TRIM44: variants seen among roughly 807,000 people sequenced by gnomAD.
The protein encoded by TRIM44 is tripartite motif-containing protein 44.
Under a neutral mutation model 37.4 loss-of-function variants are expected in TRIM44, and 13 were observed. The observed-to-expected ratio is 0.35, with a 90% CI of 0.23 to 0.55. TRIM44 has a LOEUF of 0.55. Among genes scored for constraint, TRIM44 ranks in the 20% least tolerant of loss-of-function variants. The pLI is 0.89. For synonymous variants in TRIM44, 175 were observed against 157.2 expected, an observed-to-expected ratio of 1.11 and a Z score of -0.85; for missense variants, 426 against 437.2, an observed-to-expected ratio of 0.97 and a Z score of 0.23.
intron 4 of TRIM44, among the ~76,000 whole-genome samples, chr11:35,765,700 A>G (rs1852789035): frequency 6.6e-6 from 1 of 152,222 alleles, no homozygotes; most frequent in African/African-American, 2.4e-5. Flanking sequence ...AACTTGGCAT[A>G]TTCTGAGGCA....
At chr11:35,690,607 G>C (rs1026409522) in intron 2 of TRIM44, among the ~76,000 whole-genome samples, 1 of 152,180 alleles carries the variant, frequency 6.6e-6, no homozygotes, top group African/African-American at 2.4e-5. Flanking sequence ...ACATATAGAA[G>C]TGTTCCTGTG....
At position 35,755,919 on chromosome 11, in the gene TRIM44, A is replaced by T. The variant is rs1438375983; in HGVS notation, c.1007+20474A>T. Among the ~76,000 whole-genome samples, 233 of 152,202 alleles carry T rather than the reference A, an allele frequency of 1.5e-3. No individual in the cohort carries two copies. In the Middle Eastern group the frequency reaches 0.017, roughly 11 times the overall value. ...TTTGGTTACTGTAGCCTTGTAGTAT[A>T]GTTTGAAGTCAGGTAGCGTGATGCC... On this transcript the variant is annotated intron_variant, in intron 4 of 4. Transcript: ENST00000299413.
chr11:35,793,765 G>A (rs762745000), intron 4 of TRIM44, among the ~76,000 whole-genome samples: 4 of 152,060 alleles, frequency 2.6e-5, no homozygotes, highest in South Asian at 2.1e-4. Context: ...CTCATTGCCC[G>A]GGGCCAAAAA....
At chr11:35,715,026 T>C (rs1283974277) in intron 2 of TRIM44, among the ~76,000 whole-genome samples, 1 of 152,126 alleles carries the variant, frequency 6.6e-6, no homozygotes, top group Admixed American at 6.6e-5. Context: ...CACCCTGGGG[T>C]CAGGCAAAGA....
Position 35,663,555 on chromosome 11 carries a change from A to G in TRIM44, c.444A>G (p.Glu148=), listed in dbSNP as rs773971001. Residue 148 remains glutamate (E), a synonymous_variant, in exon 1 of 5, where the codon GAA becomes GAG. Coordinates refer to ENST00000299413, the MANE Select transcript of TRIM44 (RefSeq NM_017583.6). ...AGGCCGAAGAAGACAACCAAGAAGA[A>G]GGGGAATCCGAGGCGGAGGGAGAAA... ...ESEAEEDNQE[E]GESEAEGETE... 40 of 1,613,504 alleles carry G rather than the reference A, an allele frequency of 2.5e-5. No individual in the cohort carries two copies. Among genetic ancestry groups the G allele is most frequent in the Non-Finnish European group, 3.3e-5 (39 of 1,179,724 alleles).
At chr11:35,766,326 C>T (rs1304653947) in intron 4 of TRIM44, among the ~76,000 whole-genome samples, 2 of 152,092 alleles carry the variant, frequency 1.3e-5, no homozygotes, top group Non-Finnish European at 2.9e-5. Context: ...AAAAAGTATG[C>T]GTGTGTTGGG....
chr11:35,696,789 G>T (rs1438302341), intron 2 of TRIM44, among the ~76,000 whole-genome samples: 1 of 151,618 alleles, frequency 6.6e-6, no homozygotes, highest in East Asian at 2.0e-4. Context: ...GGAGGTTGCG[G>T]TGAGCCGAGA....
chr11:35,678,439 T>C (rs1851487025), intron 1 of TRIM44, among the ~76,000 whole-genome samples: 1 of 152,148 alleles, frequency 6.6e-6, no homozygotes, highest in Admixed American at 6.5e-5. Context: ...TGGCCTAGTG[T>C]AGGAGTGGGT....
chr11:35,724,478 CTCCTTTT>C (rs1175401140), intron 2 of TRIM44: 1 of 152,224 alleles, frequency 6.6e-6, no homozygotes, highest in African/African-American at 2.4e-5. Flanking sequence ...TTCTGCCTTT[CTCCTTTT>C]GTCTACGGTT....
At chr11:35,791,020 C>A (rs1453884587) in intron 4 of TRIM44, among the ~76,000 whole-genome samples, 1 of 152,094 alleles carries the variant, frequency 6.6e-6, no homozygotes, top group Non-Finnish European at 1.5e-5. Context: ...GCATAAGACA[C>A]CTCATAGTTT....
chr11:35,695,920 T>C (rs1851692075), intron 2 of TRIM44, among the ~76,000 whole-genome samples: 2 of 151,318 alleles, frequency 1.3e-5, no homozygotes, highest in Admixed American at 6.6e-5. Context: ...ATGCTTCCCA[T>C]GTAACATGTC....
intron 1 of TRIM44, among the ~76,000 whole-genome samples, chr11:35,678,547 C>G (rs957747278): frequency 3.7e-4 from 57 of 152,134 alleles, no homozygotes; most frequent in African/African-American, 1.4e-3. Context: ...TTTGACAAAA[C>G]TTTGCTTTCT....
chr11:35,784,339 G>T (rs556964072), intron 4 of TRIM44, among the ~76,000 whole-genome samples: 1 of 152,274 alleles, frequency 6.6e-6, no homozygotes, highest in South Asian at 2.1e-4. Context: ...AAGATAACTT[G>T]TAAGATCCAT....
At chr11:35,667,890 T>C (rs1851349660) in intron 1 of TRIM44, among the ~76,000 whole-genome samples, 1 of 152,212 alleles carries the variant, frequency 6.6e-6, no homozygotes, top group Non-Finnish European at 1.5e-5. Context: ...TTTTTTTTCA[T>C]TTATATTTAT....
chr11:35,727,941 G>A (rs1469065190), intron 3 of TRIM44, among the ~76,000 whole-genome samples: 1 of 152,166 alleles, frequency 6.6e-6, no homozygotes, highest in Non-Finnish European at 1.5e-5. Context: ...TTAATTCAAG[G>A]GATCGACAGC....
intron 4 of TRIM44, among the ~76,000 whole-genome samples, chr11:35,762,275 AT>A (rs1002149500): frequency 1.4e-4 from 21 of 151,876 alleles, no homozygotes; most frequent in South Asian, 4.2e-4. Flanking sequence ...TCTAGATGGC[AT>A]TTTTTTTCCT....
intron 3 of TRIM44, among the ~76,000 whole-genome samples, chr11:35,728,288 C>G (rs918812892): frequency 6.6e-6 from 1 of 152,310 alleles, no homozygotes; most frequent in Middle Eastern, 3.4e-3. Context: ...ATTGCAGCCA[C>G]TGCACCCCAG....
chr11:35,663,101 A>G lies in TRIM44; in HGVS notation c.-11A>G, dbSNP rs1851289407. ...GGGGCCCCGAGGCCTTGGCCGCGTCACAGCACCCACATGGCCTCTGGAGTG... is the reference window on the plus strand; with the variant it reads ...GGGGCCCCGAGGCCTTGGCCGCGTCGCAGCACCCACATGGCCTCTGGAGTG... On this transcript the variant is annotated 5_prime_UTR_variant, in exon 1 of 5. Transcript: ENST00000299413. 3 of 1,501,676 alleles carry G rather than the reference A, an allele frequency of 2.0e-6. No individual in the cohort carries two copies. Among genetic ancestry groups the G allele is most frequent in the Admixed American group, 2.3e-5 (1 of 43,868 alleles). 93.0% of individuals were successfully genotyped at this position (1,501,676 alleles called of 1,614,324 possible).
chr11:35,728,103 A>T (rs1852205224), intron 3 of TRIM44, among the ~76,000 whole-genome samples: 1 of 152,206 alleles, frequency 6.6e-6, no homozygotes, highest in Non-Finnish European at 1.5e-5. Context: ...AGGTGGGAGG[A>T]TCACCTGAGG....
Sources: allele counts gnomAD v4.1 joint callset (sites outside exome capture counted in the v4.1 genomes callset), GRCh38; gene constraint gnomAD v4.1.1; transcripts MANE v1.5; gene names NCBI Gene and HGNC (gene_info 2026-07-23, HGNC 2026-07-21).